PLAC1: variants seen among roughly 807,000 people sequenced by gnomAD.
The protein encoded by PLAC1 is placenta associated 1.
For synonymous variants in PLAC1, 68 were observed against 62.1 expected, an observed-to-expected ratio of 1.09 and a Z score of -0.44; for missense variants, 136 against 163.2, an observed-to-expected ratio of 0.83 and a Z score of 0.91.
intron 1 of PLAC1, among the ~76,000 whole-genome samples, chrX:134,755,634 G>A (rs772376823): frequency 1.2e-4 from 13 of 110,955 alleles, no homozygotes; most frequent in Non-Finnish European, 2.1e-4. Context: ...CTTACTATGT[G>A]TGAAGTTGAG....
At chrX:134,577,080 T>C (rs184427599) in intron 2 of PLAC1, among the ~76,000 whole-genome samples, 1 of 112,063 alleles carries the variant, frequency 8.9e-6, no homozygotes, top group Non-Finnish European at 1.9e-5. Flanking sequence ...CTGTGTTTTG[T>C]TACAATCTTA....
chrX:134,703,967 C>G (rs960805555), intron 2 of PLAC1, among the ~76,000 whole-genome samples: 2 of 105,056 alleles, frequency 1.9e-5, no homozygotes, highest in Admixed American at 1.0e-4. Context: ...TGGTTAATAC[C>G]TTTAAAATTT....
chrX:134,744,248 C>T (rs1162794719), intron 1 of PLAC1, among the ~76,000 whole-genome samples: 2 of 104,446 alleles, frequency 1.9e-5, no homozygotes, highest in Non-Finnish European at 3.9e-5. Flanking sequence ...TGCCACTGCA[C>T]TCCAGCCTGA....
At chrX:134,731,354 A>G (rs2147843114) in intron 2 of PLAC1, among the ~76,000 whole-genome samples, 1 of 112,686 alleles carries the variant, frequency 8.9e-6, no homozygotes, top group South Asian at 3.7e-4. Context: ...AAAATGCTCA[A>G]CTTTTGAAGG....
intron 2 of PLAC1, among the ~76,000 whole-genome samples, chrX:134,677,062 T>C (rs1346030870): frequency 8.9e-6 from 1 of 112,622 alleles, no homozygotes; most frequent in Admixed American, 9.4e-5. Context: ...GTTCAAAATG[T>C]AGATTTGTGG....
At chrX:134,745,863 A>C (rs1475753239) in intron 1 of PLAC1, among the ~76,000 whole-genome samples, 1 of 111,484 alleles carries the variant, frequency 9.0e-6, no homozygotes, top group East Asian at 2.8e-4. Flanking sequence ...TTAATGCCTC[A>C]GTAGCAAGCA....
At chrX:134,626,541 G>C (rs2078237838) in intron 1 of PLAC1, among the ~76,000 whole-genome samples, 1 of 112,062 alleles carries the variant, frequency 8.9e-6, no homozygotes, top group Non-Finnish European at 1.9e-5. Context: ...ATCTCTCTGG[G>C]AGAGACAGCT....
chrX:134,645,779 C>T (rs1419625542), intron 1 of PLAC1, among the ~76,000 whole-genome samples: 4 of 111,324 alleles, frequency 3.6e-5, no homozygotes, highest in African/African-American at 1.3e-4. Flanking sequence ...GAGGATAATG[C>T]AAGCCTTCCC....
chrX:134,677,587 G>A (rs767785552), intron 2 of PLAC1, among the ~76,000 whole-genome samples: 12 of 111,130 alleles, frequency 1.1e-4, no homozygotes, highest in Admixed American at 3.8e-4. Flanking sequence ...AACTGGAAGG[G>A]TTTAAGGAAA....
chrX:134,655,332 TACAC>T (rs545237127), intron 1 of PLAC1, among the ~76,000 whole-genome samples: 4,830 of 99,074 alleles, frequency 0.049, 234 homozygotes, highest in African/African-American at 0.14. Context: ...TCAATCTATT[TACAC>T]ACACACACAC....
At chrX:134,754,913 T>A (rs949745748) in intron 1 of PLAC1, among the ~76,000 whole-genome samples, 7 of 110,421 alleles carry the variant, frequency 6.3e-5, no homozygotes, top group Admixed American at 5.8e-4. Context: ...ATAAGATAAA[T>A]GTTGGAATGA....
intron 2 of PLAC1, among the ~76,000 whole-genome samples, chrX:134,707,481 G>A (rs759134137): frequency 8.9e-6 from 1 of 111,955 alleles, no homozygotes; most frequent in Non-Finnish European, 1.9e-5. Context: ...CAGGCCAAGA[G>A]AATAGGCCAG....
At chrX:134,682,730 A>G (rs766012860) in intron 2 of PLAC1, among the ~76,000 whole-genome samples, 45 of 110,065 alleles carry the variant, frequency 4.1e-4, no homozygotes, top group African/African-American at 1.5e-3. Flanking sequence ...TAATTTTTGT[A>G]TTTTTAGTGG....
At chrX:134,709,059 G>C (rs1047843424) in intron 2 of PLAC1, among the ~76,000 whole-genome samples, 1 of 111,900 alleles carries the variant, frequency 8.9e-6, no homozygotes, top group Admixed American at 9.5e-5. Context: ...TTAGAATAAA[G>C]TAACCTCAAA....
At chrX:134,602,302 G>T (rs780544127) in intron 1 of PLAC1, among the ~76,000 whole-genome samples, 180 bp from the exon 2 acceptor site, 6 of 112,352 alleles carry the variant, frequency 5.3e-5, no homozygotes, top group Non-Finnish European at 9.4e-5. Context: ...ATTTAGAATG[G>T]CTGTAGCCTT....
At chrX:134,575,716 C>T (rs2077934990) in intron 2 of PLAC1, among the ~76,000 whole-genome samples, 1 of 103,593 alleles carries the variant, frequency 9.7e-6, no homozygotes. Flanking sequence ...TTGCAGTGAG[C>T]TGAGATGGCG....
intron 2 of PLAC1, among the ~76,000 whole-genome samples, chrX:134,673,757 G>A (rs751613554): frequency 4.6e-4 from 51 of 111,863 alleles, no homozygotes; most frequent in Non-Finnish European, 8.3e-4. Context: ...AGGGAGGAAA[G>A]GGGCTGGCCT....
intron 2 of PLAC1, among the ~76,000 whole-genome samples, chrX:134,680,149 T>G: frequency 8.9e-6 from 1 of 112,038 alleles, no homozygotes; most frequent in Non-Finnish European, 1.9e-5. Flanking sequence ...GACATTTTTC[T>G]CCTAACACTC....
At chrX:134,744,006 G>A (rs960317574) in intron 1 of PLAC1, among the ~76,000 whole-genome samples, 2 of 112,257 alleles carry the variant, frequency 1.8e-5, no homozygotes, top group African/African-American at 6.5e-5. Flanking sequence ...ATTTTGGGCC[G>A]GGCGCGGTGG....
Sources: allele counts gnomAD v4.1 joint callset (sites outside exome capture counted in the v4.1 genomes callset), GRCh38; gene constraint gnomAD v4.1.1; transcripts MANE v1.5; gene names NCBI Gene and HGNC (gene_info 2026-07-23, HGNC 2026-07-21).